Variants in TEX36 observed in about 807,000 individuals in gnomAD.
TEX36 encodes testis expressed 36, also known as testis-expressed protein 36.
A neutral mutation model predicts 13.6 loss-of-function variants in TEX36; 12 were observed. The observed-to-expected ratio is 0.88, with a 90% confidence interval of 0.56 to 1.43. The LOEUF (loss-of-function observed/expected upper bound fraction) is 1.43. Among genes scored for constraint, TEX36 ranks in the 40% most tolerant of loss-of-function variants. The pLI is 0.00. For missense variants in TEX36, 224 were observed against 228.3 expected (o/e 0.98, Z 0.12); for synonymous variants, 93 against 83.0 (o/e 1.12, Z -0.65).
chr10:125,603,167 T>A (rs182966469), intron 3 of TEX36, among the ~76,000 whole-genome samples: 290 of 152,358 alleles, frequency 1.9e-3, no homozygotes, highest in African/African-American at 6.6e-3. Context: ...GAGTCCCATT[T>A]GTCCAATAAA....
At chr10:125,654,347 C>A (rs1381943716), downstream of TEX36, among the ~76,000 whole-genome samples, 5 of 151,974 alleles carry the variant, frequency 3.3e-5, no homozygotes, top group African/African-American at 1.2e-4. Flanking sequence ...AATAGAATAT[C>A]AAAATATACA....
Position 125,649,337 on chromosome 10 carries a change from TG to T in TEX36, c.264+11683del, listed in dbSNP as rs553429610. On this transcript the variant is annotated intron_variant, in intron 3 of 3. Transcript: ENST00000526819. ...AGAAACTCTACAAGCCAGAAGAGAGTGGGGGGCCAATATTCAACATTCTTAA... is the reference window on the plus strand; with the variant it reads ...AGAAACTCTACAAGCCAGAAGAGAGTGGGGGCCAATATTCAACATTCTTAA... Among the ~76,000 whole-genome samples the T allele has an allele frequency of 5.9e-3, 898 of 152,000 alleles. 7 individuals are homozygous for T. Among genetic ancestry groups the T allele is most frequent in the African/African-American group, 0.021 (856 of 41,438 alleles).
At chr10:125,598,438 G>A (rs1391716052) in intron 3 of TEX36, among the ~76,000 whole-genome samples, 3 of 152,114 alleles carry the variant, frequency 2.0e-5, no homozygotes, top group East Asian at 3.9e-4. Flanking sequence ...AGGCCTACAG[G>A]CAGCTCAGCA....
At chr10:125,637,820 C>T (rs1054213213) in intron 3 of TEX36, among the ~76,000 whole-genome samples, 3 of 152,066 alleles carry the variant, frequency 2.0e-5, no homozygotes, top group African/African-American at 4.8e-5. Context: ...CCCATAAGAA[C>T]GATTTCCACT....
At chr10:125,600,016 T>G (rs1479189285) in intron 3 of TEX36, among the ~76,000 whole-genome samples, 1 of 152,204 alleles carries the variant, frequency 6.6e-6, no homozygotes, top group Non-Finnish European at 1.5e-5. Context: ...CAGGATTGGC[T>G]GTCTGATTCA....
chr10:125,621,889 C>G (rs552010336), intron 3 of TEX36, among the ~76,000 whole-genome samples: 17 of 152,316 alleles, frequency 1.1e-4, no homozygotes, highest in Middle Eastern at 6.8e-3. Context: ...GCCAGATCAT[C>G]CCAACTCCCT....
chr10:125,610,253 C>A (rs767282749), intron 3 of TEX36, among the ~76,000 whole-genome samples: 6 of 152,156 alleles, frequency 3.9e-5, no homozygotes, highest in Non-Finnish European at 7.4e-5. Context: ...GAGTAGCCAC[C>A]CTTTCATTCC....
rs560178420 is a variant in TEX36 at position 125,628,785 on chromosome 10, T to A, written c.265-7140A>T. Reference sequence around the variant, plus strand: ...TAAGAGTAGTTAACTGTCTAGGGAGTGCCTGCTGCATCCCAGACATTGTCA... The same window carrying A: ...TAAGAGTAGTTAACTGTCTAGGGAGAGCCTGCTGCATCCCAGACATTGTCA... On this transcript the variant is annotated intron_variant, in intron 3 of 3. Coordinates refer to the TEX36 transcript ENST00000526819. Among the ~76,000 whole-genome samples, 6 of 152,150 alleles carry A rather than the reference T, an allele frequency of 3.9e-5. No homozygotes were observed. The South Asian group carries it at 1.2e-3, about 32-fold the overall frequency.
chr10:125,591,079 C>T (rs1366578160), intron 3 of TEX36, among the ~76,000 whole-genome samples: 1 of 152,128 alleles, frequency 6.6e-6, no homozygotes, highest in Non-Finnish European at 1.5e-5. Context: ...ATCTGAGCTC[C>T]CTCCCTTCCA....
intron 3 of TEX36, among the ~76,000 whole-genome samples, chr10:125,630,993 C>A (rs886381444): frequency 2.0e-5 from 3 of 152,204 alleles, no homozygotes; most frequent in African/African-American, 7.2e-5. Flanking sequence ...CTCAGGTTCT[C>A]TTCCCCATCC....
intron 3 of TEX36, among the ~76,000 whole-genome samples, chr10:125,635,197 C>T (rs1433878167): frequency 6.6e-6 from 1 of 152,158 alleles, no homozygotes; most frequent in Non-Finnish European, 1.5e-5. Context: ...CACATTGCTC[C>T]ATGCATTTAG....
chr10:125,587,090 G>A (rs1845963230), intron 3 of TEX36, among the ~76,000 whole-genome samples: 1 of 152,172 alleles, frequency 6.6e-6, no homozygotes, highest in Non-Finnish European at 1.5e-5. Flanking sequence ...TAAGTTTCCT[G>A]AGGCCTCCCC....
intron 3 of TEX36, among the ~76,000 whole-genome samples, chr10:125,594,637 G>A (rs1846059752): frequency 6.6e-6 from 1 of 152,172 alleles, no homozygotes; most frequent in Admixed American, 6.5e-5. Context: ...GGTCAAAGAA[G>A]AAATTGTGCT....
Position 125,656,155 on chromosome 10 carries a change from A to T in TEX36, c.306T>A (p.His102Gln), listed in dbSNP as rs756593760. ...CCCAGAGATTAAAATTTCTTGAAAC[A>T]TGTTGCCTCTTATCTGGAGAGATCT... ...RKKISPDKRQ[H>Q]VSRNFNLWAC... The change falls in exon 4 of 4, where the codon CAT becomes CAA. Residue 102 changes from histidine (H) to glutamine (Q), a missense_variant. Physicochemically the swap from His to Gln is conservative, Grantham distance 24. Coordinates refer to ENST00000368821, the MANE Select transcript of TEX36 (RefSeq NM_001128202.3). The T allele has an allele frequency of 7.1e-6, 11 of 1,543,224 alleles. No homozygotes were observed. Among genetic ancestry groups the T allele is most frequent in the South Asian group, 1.2e-5 (1 of 83,186 alleles).
downstream of TEX36, among the ~76,000 whole-genome samples, chr10:125,651,096 G>A (rs1846847772): frequency 6.6e-6 from 1 of 152,174 alleles, no homozygotes; most frequent in African/African-American, 2.4e-5. Context: ...CATTCCTTCA[G>A]AAACAATTCC....
At chr10:125,654,978 T>C (rs553482640), downstream of TEX36, among the ~76,000 whole-genome samples, 3 of 152,324 alleles carry the variant, frequency 2.0e-5, no homozygotes, top group Non-Finnish European at 4.4e-5. Flanking sequence ...AGCATGTTCA[T>C]GTAACACTGT....
chr10:125,592,732 C>G (rs889214355), intron 3 of TEX36, among the ~76,000 whole-genome samples: 4 of 152,176 alleles, frequency 2.6e-5, no homozygotes, highest in African/African-American at 9.7e-5. Context: ...CTTCCAACCA[C>G]CTGGCTATAA....
At chr10:125,631,433 CT>C (rs1451824294) in intron 3 of TEX36, among the ~76,000 whole-genome samples, 1 of 152,154 alleles carries the variant, frequency 6.6e-6, no homozygotes, top group African/African-American at 2.4e-5. Context: ...CTGTCCTGAT[CT>C]TGAACATTCT....
chr10:125,638,602 T>C (rs968758146), intron 3 of TEX36, among the ~76,000 whole-genome samples: 2 of 152,106 alleles, frequency 1.3e-5, no homozygotes, highest in Non-Finnish European at 2.9e-5. Flanking sequence ...CAAAAAAAAA[T>C]TTGCTGACTC....
Sources: gnomAD v4.1 joint callset for allele counts (sites outside exome capture counted in the v4.1 genomes callset) on GRCh38, gnomAD v4.1.1 for gene constraint, MANE v1.5 for transcripts, NCBI Gene and HGNC (gene_info 2026-07-23, HGNC 2026-07-21) for gene names.